Variants in SCUBE2 observed in about 807,000 individuals in gnomAD.
SCUBE2 encodes the protein signal peptide, CUB domain and EGF like domain containing 2, also known as signal peptide, CUB and EGF-like domain-containing protein 2.
In SCUBE2, 114 loss-of-function variants were observed where a neutral mutation model predicts 125.9. The observed-to-expected ratio is 0.91, with a 90% CI of 0.78 to 1.06. SCUBE2 has a LOEUF of 1.06. Ranked by LOEUF, SCUBE2 falls within the 50% of genes least tolerant of loss-of-function variation. The pLI, the probability that SCUBE2 is intolerant of heterozygous loss-of-function variation, is 0.00. For synonymous variants in SCUBE2, 459 were observed against 492.9 expected, an observed-to-expected ratio of 0.93 and a Z score of 0.91; for missense variants, 1,255 against 1,301.8, an observed-to-expected ratio of 0.96 and a Z score of 0.55.
rs1446042018 is a variant in SCUBE2, at chr11:9,030,804, G to A, written c.2295C>T (p.Ala765=). ...TSCFPCGGGL[A]TKHQGATSFQ... Reference sequence around the variant, plus strand: ...AGGAAGTAGCTCCCTGATGTTTGGTGGCAAGGCCTCCTCCACAGGGGAAGC... The same window carrying A: ...AGGAAGTAGCTCCCTGATGTTTGGTAGCAAGGCCTCCTCCACAGGGGAAGC... Residue 765 remains alanine, a synonymous_variant, in exon 18 of 23, where the codon GCC becomes GCT. Coordinates refer to ENST00000649792, the MANE Select transcript of SCUBE2 (RefSeq NM_001367977.2). 5.6e-6 allele frequency: 9 copies of A among 1,614,078 alleles called. No homozygotes were observed. Among genetic ancestry groups the A allele is most frequent in the Non-Finnish European group, 6.8e-6 (8 of 1,180,026 alleles).
At position 9,053,883 on chromosome 11, in the gene SCUBE2, CTGAATGCCTTTAGCA is replaced by C; in HGVS notation, c.1208-139_1208-125del. On this transcript the variant is annotated intron_variant, in intron 10 of 22. Coordinates refer to ENST00000649792, the MANE Select transcript of SCUBE2 (RefSeq NM_001367977.2). ...GAAACTCACTAACCAAAGGAAGACA[CTGAATGCCTTTAGCA>C]TGAGCGCTCGGCACCAGCTGACTGC... is the stretch of plus-strand genomic sequence containing the variant. 23 of 1,215,036 alleles carry C rather than the reference CTGAATGCCTTTAGCA, an allele frequency of 1.9e-5. No homozygotes were observed. The South Asian group carries it at 2.9e-4, about 16-fold the overall frequency. The allele number at this position is 1,215,036 out of a possible 1,614,324, so 75.3% of individuals were successfully genotyped here.
Position 9,065,888 on chromosome 11 carries a change from T to C in SCUBE2, c.850+3A>G. On this transcript the variant is annotated splice_donor_region_variant and intron_variant, in intron 7 of 22. Transcript: ENST00000649792. ...GCCAAGGAAAGGGAGTGAAGGTGCCTACCCATGAGCAGCCGCCGTTTCACC... is the reference window on the plus strand; with the variant it reads ...GCCAAGGAAAGGGAGTGAAGGTGCCCACCCATGAGCAGCCGCCGTTTCACC... 3.1e-6 allele frequency: 5 copies of C among 1,613,538 alleles called. No homozygotes were observed. Among genetic ancestry groups the C allele is most frequent in the South Asian group, 1.1e-5 (1 of 91,062 alleles).
intron 2 of SCUBE2, among the ~76,000 whole-genome samples, chr11:9,080,429 G>T (rs114384199): frequency 1.1e-3 from 175 of 152,198 alleles, no homozygotes; most frequent in African/African-American, 4.0e-3. Flanking sequence ...GAGCCAGGAG[G>T]ATCAATTGAG....
chr11:9,074,369 T>C, intron 4 of SCUBE2, 112 bp downstream of exon 4: 1 of 1,386,584 alleles, frequency 7.2e-7, no homozygotes, highest in Non-Finnish European at 9.8e-7. Context: ...TCCTCAGGCC[T>C]CCAGACTTTC....
At chr11:9,050,543 G>A (rs1858245103) in intron 14 of SCUBE2, 63 bp downstream of exon 14, 2 of 1,310,412 alleles carry the variant, frequency 1.5e-6, no homozygotes, top group Admixed American at 3.4e-5. Context: ...CTCCAGCTCG[G>A]CTGGCTGCAG....
chr11:9,051,708 C>A (rs534916772), intron 13 of SCUBE2, among the ~76,000 whole-genome samples: 1 of 152,058 alleles, frequency 6.6e-6, no homozygotes, highest in Non-Finnish European at 1.5e-5. Context: ...AATTATAGTA[C>A]CTATATTACC....
chr11:9,056,205 A>G (rs1436304993), intron 9 of SCUBE2, among the ~76,000 whole-genome samples: 1 of 152,228 alleles, frequency 6.6e-6, no homozygotes, highest in South Asian at 2.1e-4. Context: ...TAAAATGTTT[A>G]AATGAAGCCA....
chr11:9,040,566 T>C (rs10769984), intron 16 of SCUBE2, among the ~76,000 whole-genome samples: 8,352 of 25,952 alleles, frequency 0.32, 1,157 homozygotes, highest in East Asian at 0.49. Flanking sequence ...CATGGGTACG[T>C]AGGAGAAAGG....
intron 21 of SCUBE2, 126 bp downstream of exon 21, chr11:9,025,576 G>A: frequency 8.3e-7 from 1 of 1,197,620 alleles, no homozygotes; most frequent in Non-Finnish European, 1.2e-6. Context: ...AGTCAGCAAT[G>A]TCTTTTCCCC....
intron 16 of SCUBE2, among the ~76,000 whole-genome samples, chr11:9,041,448 G>A (rs1857233972): frequency 6.6e-6 from 1 of 152,166 alleles, no homozygotes; most frequent in Non-Finnish European, 1.5e-5. Context: ...AGTAGGGGAG[G>A]AACCGGAACC....
intron 3 of SCUBE2, 117 bp downstream of exon 3, chr11:9,079,267 G>T: frequency 9.0e-7 from 1 of 1,107,774 alleles, no homozygotes; most frequent in South Asian, 1.6e-5. Flanking sequence ...GACTTCCAAG[G>T]GAGCAGAAAA....
chr11:9,047,496 AG>A lies in SCUBE2; in HGVS notation c.1861del (p.Leu621SerfsTer17), dbSNP rs1566193255. 6.2e-7 allele frequency: 1 copy of A among 1,612,742 alleles called. No homozygotes were observed. On this transcript the variant is annotated frameshift_variant, in exon 16 of 23. Coordinates refer to ENST00000649792, the MANE Select transcript of SCUBE2 (RefSeq NM_001367977.2). LOFTEE classifies it high-confidence loss of function. ...CTGCTCCCTGTGGACGGCCTTTCTG[AG>A]CGTGCGGATGGCTTTACGGAGCCGC... The part of the protein sequence containing the change: ...EKRLRKAIRT[L>X]RKAVHREQFH...
intron 16 of SCUBE2, among the ~76,000 whole-genome samples, chr11:9,036,826 C>T (rs1856789349): frequency 6.6e-6 from 1 of 152,328 alleles, no homozygotes; most frequent in South Asian, 2.1e-4. Context: ...TTTAGAGAGA[C>T]CTCACAATAT....
chr11:9,059,602 A>T, intron 8 of SCUBE2, 177 bp from the exon 9 acceptor site: 1 of 814,698 alleles, frequency 1.2e-6, no homozygotes, highest in Non-Finnish European at 1.8e-6. Context: ...TATCTGGCTT[A>T]ACCAGTTTTG....
intron 17 of SCUBE2, among the ~76,000 whole-genome samples, chr11:9,032,799 C>T (rs139112229): frequency 1.3e-5 from 2 of 152,266 alleles, no homozygotes; most frequent in East Asian, 3.9e-4. Flanking sequence ...CCTCATCAAC[C>T]TTGCAGTTAG....
At chr11:9,028,114 C>A (rs922752721) in intron 19 of SCUBE2, among the ~76,000 whole-genome samples, 1 of 152,066 alleles carries the variant, frequency 6.6e-6, no homozygotes, top group African/African-American at 2.4e-5. Flanking sequence ...TGCAGTGGTG[C>A]GATCATGGCT....
intron 19 of SCUBE2, among the ~76,000 whole-genome samples, chr11:9,028,458 C>A (rs536599664): frequency 1.4e-4 from 21 of 152,308 alleles, no homozygotes; most frequent in African/African-American, 5.1e-4. Context: ...CTTGCACAGA[C>A]CCCTCCTTCA....
rs775264308 is a variant in SCUBE2, at chr11:9,027,529, T to A, written c.2536A>T (p.Thr846Ser). 3.1e-6 allele frequency: 5 copies of A among 1,613,810 alleles called. No individual in the cohort carries two copies. In the Admixed American group the frequency reaches 5.0e-5, roughly 16 times the overall value. Residue 846 changes from threonine (T) to serine (S), a missense_variant, in exon 20 of 23, where the codon ACT becomes TCT. Physicochemically the swap from Thr to Ser is moderately conservative, Grantham distance 58. Around this residue, in one of 3 missense-constraint regions of SCUBE2, gnomAD observed 515 missense variants for 515.7 expected, o/e 1.00. Coordinates refer to ENST00000649792, the MANE Select transcript of SCUBE2 (RefSeq NM_001367977.2). ...RRCGGELGDF[T>S]GYIESPNYPG... ...TAGTTTGGGGATTCAATGTACCCAG[T>A]GAAATCTCCCAGCTCCCCTCCACAT...
intron 16 of SCUBE2, among the ~76,000 whole-genome samples, chr11:9,042,812 A>G (rs551576341): frequency 5.7e-4 from 87 of 152,190 alleles, no homozygotes; most frequent in Middle Eastern, 3.4e-3. Context: ...TCAGTCCCCA[A>G]TCCATGTCAT....
Sources: allele counts gnomAD v4.1 joint callset (sites outside exome capture counted in the v4.1 genomes callset), GRCh38; gene constraint gnomAD v4.1.1; regional missense constraint gnomAD v4.1.1; transcripts MANE v1.5; gene names NCBI Gene and HGNC (gene_info 2026-07-23, HGNC 2026-07-21).